The following USP37 variants were observed in gnomAD, a reference collection of about 807,000 sequenced individuals.
The protein encoded by USP37 is ubiquitin specific peptidase 37.
A neutral mutation model predicts 124.0 loss-of-function variants in USP37; 27 were observed. That is an observed-to-expected ratio of 0.22 (90% CI 0.16 to 0.30). USP37 has a LOEUF of 0.30. Among genes scored for constraint, USP37 ranks in the 10% least tolerant of loss-of-function variants. The pLI is 1.00. For missense variants in USP37, 889 were observed against 1,140.4 expected (o/e 0.78, Z 3.17); for synonymous variants, 365 against 388.0 (o/e 0.94, Z 0.70).
At chr2:218,557,314 T>G (rs1021160715) in intron 4 of USP37, among the ~76,000 whole-genome samples, 8 of 152,126 alleles carry the variant, frequency 5.3e-5, no homozygotes, top group African/African-American at 1.9e-4. Flanking sequence ...GGTTAAACAT[T>G]TGAATATTTA....
At chr2:218,547,513 AT>A (rs1692416173) in intron 6 of USP37, among the ~76,000 whole-genome samples, 1 of 149,072 alleles carries the variant, frequency 6.7e-6, no homozygotes, top group South Asian at 2.1e-4. Flanking sequence ...TTCCTATAGC[AT>A]TCTTATAAAC....
At chr2:218,455,055 T>C in intron 25 of USP37, 38 bp from the exon 26 acceptor site, 1 of 1,610,540 alleles carries the variant, frequency 6.2e-7, no homozygotes, top group Non-Finnish European at 8.5e-7. Context: ...ACTGGAAATT[T>C]AGTAAGCAGA....
chr2:218,519,303 C>T (rs1308227829), intron 10 of USP37, among the ~76,000 whole-genome samples: 2 of 152,140 alleles, frequency 1.3e-5, no homozygotes. Context: ...ATACTAGCCA[C>T]TTATAATCAA....
chr2:218,472,130 C>T (rs966086506), intron 20 of USP37, among the ~76,000 whole-genome samples: 12 of 152,028 alleles, frequency 7.9e-5, no homozygotes, highest in African/African-American at 2.7e-4. Flanking sequence ...TGTGATCTCT[C>T]CAGCAGGGCA....
intron 14 of USP37, among the ~76,000 whole-genome samples, chr2:218,495,333 G>T (rs1689025575): frequency 6.6e-6 from 1 of 152,024 alleles, no homozygotes; most frequent in Non-Finnish European, 1.5e-5. Context: ...GTAGAGATGG[G>T]GTTTCCCCAT....
intron 22 of USP37, among the ~76,000 whole-genome samples, chr2:218,461,510 A>C (rs1414972298): frequency 3.0e-5 from 4 of 134,804 alleles, no homozygotes; most frequent in African/African-American, 1.0e-4. Context: ...CCATCTCAAA[A>C]GAAAAAAAAA....
chr2:218,463,026 G>C (rs1690100014), intron 22 of USP37, among the ~76,000 whole-genome samples: 1 of 151,874 alleles, frequency 6.6e-6, no homozygotes, highest in Admixed American at 6.6e-5. Flanking sequence ...AAATTAGCTG[G>C]GTGTGGTGGC....
At chr2:218,512,634 C>A (rs1011897852) in intron 10 of USP37, among the ~76,000 whole-genome samples, 3 of 152,080 alleles carry the variant, frequency 2.0e-5, no homozygotes, top group African/African-American at 7.2e-5. Flanking sequence ...GTGTAAATAA[C>A]CTTATTAGTG....
chr2:218,487,609 C>T (rs1691645970), intron 15 of USP37, among the ~76,000 whole-genome samples: 1 of 151,882 alleles, frequency 6.6e-6, no homozygotes, highest in African/African-American at 2.4e-5. Context: ...TTAGTAGAGA[C>T]CGGGTTTCAC....
rs1169194233 is a variant in USP37, at chr2:218,524,833, C to G, written c.863+5123G>C. 2.6e-5 allele frequency among the ~76,000 whole-genome samples: 4 copies of G among 152,194 alleles called. No homozygotes were observed. In the East Asian group the frequency reaches 7.7e-4, roughly 29 times the overall value. On this transcript the variant is annotated intron_variant, in intron 10 of 25. Coordinates refer to ENST00000258399, the MANE Select transcript of USP37 (RefSeq NM_020935.3). Reference sequence around the variant, plus strand: ...CCATGTTGGCCAGGCTGGTCTCGAACTCCTGACCTCAGGTGATCCACCCGC... The same window carrying G: ...CCATGTTGGCCAGGCTGGTCTCGAAGTCCTGACCTCAGGTGATCCACCCGC...
At chr2:218,553,458 T>C in intron 5 of USP37, 95 bp downstream of exon 5, 10 of 1,178,758 alleles carry the variant, frequency 8.5e-6, no homozygotes, top group Non-Finnish European at 1.1e-5. Flanking sequence ...ATAATCCTTT[T>C]AATGTGCTGA....
At chr2:218,529,513 G>A (rs1004079726) in intron 10 of USP37, among the ~76,000 whole-genome samples, 1 of 151,944 alleles carries the variant, frequency 6.6e-6, no homozygotes, top group Non-Finnish European at 1.5e-5. Flanking sequence ...TAGAGGCCAG[G>A]AGCAGGAGCA....
At chr2:218,545,921 A>G (rs1248459593) in intron 8 of USP37, among the ~76,000 whole-genome samples, 2 of 152,152 alleles carry the variant, frequency 1.3e-5, no homozygotes, top group Non-Finnish European at 2.9e-5. Flanking sequence ...TCACACTAAA[A>G]CAGCAGCCAG....
At position 218,564,440 on chromosome 2, in the gene USP37, A is replaced by G. The variant is rs531434194; in HGVS notation, c.-229-1627T>C. Among the ~76,000 whole-genome samples the G allele has an allele frequency of 5.9e-5, 9 of 152,368 alleles. No individual in the cohort carries two copies. The South Asian group carries it at 1.4e-3, about 25-fold the overall frequency. On this transcript the variant is annotated intron_variant, in intron 1 of 25. Transcript: ENST00000258399. Reference sequence around the variant, plus strand: ...GTCAGTGAGAAACAAAGCTATGTCTAATGCCAGAACCTACATTTTTAACTA... The same window carrying G: ...GTCAGTGAGAAACAAAGCTATGTCTGATGCCAGAACCTACATTTTTAACTA...
At chr2:218,559,721 G>A (rs1693213513) in intron 3 of USP37, among the ~76,000 whole-genome samples, 1 of 152,176 alleles carries the variant, frequency 6.6e-6, no homozygotes, top group African/African-American at 2.4e-5. Flanking sequence ...AGAAAAAATG[G>A]CCGGACACAG....
At chr2:218,543,767 C>A (rs1692134562) in intron 8 of USP37, among the ~76,000 whole-genome samples, 1 of 151,748 alleles carries the variant, frequency 6.6e-6, no homozygotes, top group South Asian at 2.1e-4. Context: ...GATCACACCA[C>A]TGCACTCCAG....
At chr2:218,534,915 C>T (rs1415797265) in intron 8 of USP37, among the ~76,000 whole-genome samples, 1 of 152,102 alleles carries the variant, frequency 6.6e-6, no homozygotes, top group Non-Finnish European at 1.5e-5. Flanking sequence ...ATCTCAAGAG[C>T]CAATCCAATC....
intron 11 of USP37, among the ~76,000 whole-genome samples, chr2:218,504,382 T>G (rs937767781): frequency 6.6e-6 from 1 of 152,238 alleles, no homozygotes; most frequent in African/African-American, 2.4e-5. Context: ...TATATTGCTG[T>G]TAACCCCTTT....
chr2:218,500,044 C>T (rs1689289249), intron 11 of USP37, among the ~76,000 whole-genome samples: 1 of 152,098 alleles, frequency 6.6e-6, no homozygotes, highest in South Asian at 2.1e-4. Flanking sequence ...GTTGGGATTA[C>T]AGGCGTGAGC....
Sources: allele counts gnomAD v4.1 joint callset (sites outside exome capture counted in the v4.1 genomes callset), GRCh38; gene constraint gnomAD v4.1.1; transcripts MANE v1.5; gene names NCBI Gene and HGNC (gene_info 2026-07-23, HGNC 2026-07-21).